GTF2B: variants seen among roughly 807,000 people sequenced by gnomAD.
GTF2B encodes transcription initiation factor IIB.
In GTF2B, 20 loss-of-function variants were observed where a neutral mutation model predicts 34.6. The observed-to-expected ratio is 0.58, with a 90% CI of 0.41 to 0.84. The LOEUF is 0.84. GTF2B is among the 40% of genes least tolerant of loss of function. The pLI is 0.00. For missense variants in GTF2B, 237 were observed against 393.3 expected, an observed-to-expected ratio of 0.60 and a Z score of 3.36; for synonymous variants, 142 against 132.4, an observed-to-expected ratio of 1.07 and a Z score of -0.50.
chr1:88,865,901 A>C (rs1048651343), intron 2 of GTF2B, among the ~76,000 whole-genome samples: 15 of 152,130 alleles, frequency 9.9e-5, no homozygotes, highest in South Asian at 8.3e-4. Flanking sequence ...GAAGACTTTA[A>C]AAGCTTCCAA....
chr1:88,855,266 T>G (rs911556836), intron 6 of GTF2B, among the ~76,000 whole-genome samples: 7 of 152,332 alleles, frequency 4.6e-5, no homozygotes, highest in African/African-American at 1.7e-4. Context: ...TTCCTATCAT[T>G]TATTACTTTT....
chr1:88,870,896 CTTTTTTTTTT>C (rs1022965980), intron 2 of GTF2B, among the ~76,000 whole-genome samples: 3 of 109,188 alleles, frequency 2.7e-5, no homozygotes, highest in African/African-American at 7.6e-5. Flanking sequence ...CTTACACAGT[CTTTTTTTTTT>C]TTTTTTTTTT....
rs1673221115 is a variant in GTF2B at position 88,852,831 on chromosome 1, A to AT, written c.*381dup. 5.6e-6 allele frequency: 1 copy of AT among 178,674 alleles called. No individual in the cohort carries two copies. Among genetic ancestry groups the AT allele is most frequent in the South Asian group, 1.1e-4 (1 of 8,896 alleles). The allele number at this position is 178,674 out of a possible 1,614,324, so 11.1% of individuals were successfully genotyped here. On this transcript the variant is annotated 3_prime_UTR_variant, in exon 7 of 7. Transcript: ENST00000370500. Reference sequence around the variant, plus strand: ...TTTATTAAAATAAAAAACTATGTATATATAAGTAATGGAAATAAAGTCTAT... The same window carrying AT: ...TTTATTAAAATAAAAAACTATGTATATTATAAGTAATGGAAATAAAGTCTAT...
intron 3 of GTF2B, 110 bp from the exon 4 acceptor site, chr1:88,860,396 T>C: frequency 2.7e-6 from 2 of 729,548 alleles, no homozygotes; most frequent in Non-Finnish European, 4.6e-6. Context: ...ACCAGAAATC[T>C]GAATTGTGCA....
chr1:88,867,129 G>C (rs1041378344), intron 2 of GTF2B, among the ~76,000 whole-genome samples: 1 of 152,076 alleles, frequency 6.6e-6, no homozygotes, highest in Non-Finnish European at 1.5e-5. Context: ...GTCTCAAAGA[G>C]ATCACACTAA....
At chr1:88,873,693 G>C (rs1031736104) in intron 2 of GTF2B, among the ~76,000 whole-genome samples, 11 of 152,084 alleles carry the variant, frequency 7.2e-5, no homozygotes, top group Admixed American at 6.6e-5. Flanking sequence ...TTGTAGCACG[G>C]GACAGCTGTT....
chr1:88,878,502 G>C (rs367833344), intron 2 of GTF2B, among the ~76,000 whole-genome samples: 26 of 152,290 alleles, frequency 1.7e-4, no homozygotes, highest in African/African-American at 6.3e-4. Flanking sequence ...ATAATACATA[G>C]CTATTTAAAT....
Position 88,880,421 on chromosome 1 carries a change from T to C in GTF2B, c.124+6840A>G, listed in dbSNP as rs1673909623. Among the ~76,000 whole-genome samples the C allele has an allele frequency of 2.0e-5, 3 of 152,322 alleles. No individual in the cohort carries two copies. The South Asian group carries it at 6.2e-4, about 32-fold the overall frequency. On this transcript the variant is annotated intron_variant, in intron 2 of 6. Transcript: ENST00000370500. Reference sequence around the variant, plus strand: ...AGATGCCTTTAAACCAGCGAGCTGATGCAAATTCAATTACATATACAGTCA... The same window carrying C: ...AGATGCCTTTAAACCAGCGAGCTGACGCAAATTCAATTACATATACAGTCA...
At chr1:88,890,205 C>G (rs1457432153) in intron 1 of GTF2B, among the ~76,000 whole-genome samples, 1 of 150,444 alleles carries the variant, frequency 6.6e-6, no homozygotes, top group African/African-American at 2.5e-5. Context: ...TTTGAGTGAT[C>G]TGGGGAGCCC....
chr1:88,859,673 T>A (rs1673392230), intron 5 of GTF2B, among the ~76,000 whole-genome samples: 1 of 152,078 alleles, frequency 6.6e-6, no homozygotes, highest in Non-Finnish European at 1.5e-5. Context: ...CTGTCTCTAC[T>A]AAAAATACAA....
At chr1:88,886,356 C>T (rs1012289454) in intron 2 of GTF2B, among the ~76,000 whole-genome samples, 1 of 152,202 alleles carries the variant, frequency 6.6e-6, no homozygotes, top group African/African-American at 2.4e-5. Flanking sequence ...GATGCTACAA[C>T]TCCACCACAA....
chr1:88,870,881 T>C (rs1405875817), intron 2 of GTF2B, among the ~76,000 whole-genome samples: 1 of 151,380 alleles, frequency 6.6e-6, no homozygotes, highest in Non-Finnish European at 1.5e-5. Flanking sequence ...CAGACCACTG[T>C]GTTTCTTACA....
intron 2 of GTF2B, among the ~76,000 whole-genome samples, chr1:88,868,525 C>T (rs893518903): frequency 8.5e-5 from 13 of 152,162 alleles, no homozygotes; most frequent in Admixed American, 7.9e-4. Context: ...AGCTCTCAAT[C>T]CATATATTAG....
intron 2 of GTF2B, among the ~76,000 whole-genome samples, chr1:88,885,677 G>C (rs374286435): frequency 7.9e-5 from 12 of 151,380 alleles, no homozygotes; most frequent in Middle Eastern, 3.5e-3. Flanking sequence ...TTGAACCCGG[G>C]AGGCGGAGGT....
chr1:88,859,926 A>G lies in GTF2B; in HGVS notation c.491T>C (p.Leu164Pro). The change falls in exon 5 of 7, where the codon CTC becomes CCC. Residue 164 changes from leucine (L) to proline (P), a missense_variant. By Grantham distance (98) the Leu-to-Pro change is moderately conservative. Around this residue, in one of 3 missense-constraint regions of GTF2B, gnomAD observed 29 missense variants for 105.8 expected, o/e 0.27. Coordinates refer to ENST00000370500, the MANE Select transcript of GTF2B (RefSeq NM_001514.6). ...RANDAIASACLYIACRQEGVP... is the reference protein window; with the variant it reads ...RANDAIASACPYIACRQEGVP... ...CCCTTCTTGTCTACAGGCAATATAG[A>G]GACAAGCAGAAGCTATAGCATCATT... 4 of 1,613,836 alleles carry G rather than the reference A, an allele frequency of 2.5e-6. No homozygotes were observed. The highest frequency in any genetic ancestry group is 3.4e-6 in the Non-Finnish European group (4 of 1,179,784).
intron 2 of GTF2B, among the ~76,000 whole-genome samples, chr1:88,864,910 CA>C (rs1673514715): frequency 1.3e-5 from 2 of 152,198 alleles, no homozygotes; most frequent in Non-Finnish European, 1.5e-5. Flanking sequence ...TGCCACTTTA[CA>C]AATAAGATTA....
intron 3 of GTF2B, among the ~76,000 whole-genome samples, chr1:88,860,787 T>A (rs1673415579): frequency 6.6e-6 from 1 of 152,142 alleles, no homozygotes; most frequent in Non-Finnish European, 1.5e-5. Flanking sequence ...TACAAATGAG[T>A]ACTTCTTTAC....
chr1:88,865,432 T>C (rs1374071017), intron 2 of GTF2B, among the ~76,000 whole-genome samples: 3 of 152,198 alleles, frequency 2.0e-5, no homozygotes, highest in African/African-American at 7.2e-5. Context: ...TTTAAAACAT[T>C]AATCTCCAGC....
chr1:88,853,423 G>A (rs1388626112), intron 6 of GTF2B, 77 bp from the exon 7 acceptor site: 9 of 1,311,502 alleles, frequency 6.9e-6, no homozygotes, highest in Non-Finnish European at 8.7e-6. Flanking sequence ...TAATTTGTGA[G>A]ATATGATAGT....
Sources: allele counts gnomAD v4.1 joint callset (sites outside exome capture counted in the v4.1 genomes callset), GRCh38; gene constraint gnomAD v4.1.1; regional missense constraint gnomAD v4.1.1; transcripts MANE v1.5; gene names NCBI Gene and HGNC (gene_info 2026-07-23, HGNC 2026-07-21).